The following LRRC7 variants were observed in gnomAD, a reference collection of about 807,000 sequenced individuals.
LRRC7 encodes leucine rich repeat containing 7.
LRRC7 carries 23 observed loss-of-function variants against 175.7 expected under a neutral mutation model. The ratio of observed to expected loss-of-function variants is 0.13; its 90% CI spans 0.09 to 0.19. The LOEUF (loss-of-function observed/expected upper bound fraction) is 0.19, where lower values mean the gene tolerates loss of function less well. Among genes scored for constraint, LRRC7 ranks in the 10% least tolerant of loss-of-function variants. The pLI, the probability that LRRC7 is intolerant of heterozygous loss-of-function variation, is 1.00. For synonymous variants in LRRC7, 685 were observed against 680.9 expected (o/e 1.01, Z -0.09); for missense variants, 1,354 against 1,904.7 (o/e 0.71, Z 5.38).
intron 10 of LRRC7, among the ~76,000 whole-genome samples, chr1:69,989,264 G>A (rs1654213716): frequency 1.3e-5 from 2 of 152,086 alleles, no homozygotes. Context: ...TTAGACAGGA[G>A]GAATAAATGA....
chr1:70,083,748 A>G (rs1038867405), intron 24 of LRRC7, among the ~76,000 whole-genome samples: 4 of 152,122 alleles, frequency 2.6e-5, no homozygotes, highest in South Asian at 2.1e-4. Flanking sequence ...TTAATGGCCT[A>G]TCACCCTTTT....
intron 22 of LRRC7, among the ~76,000 whole-genome samples, chr1:70,046,336 TAAG>T (rs1423852820): frequency 6.6e-6 from 1 of 152,100 alleles, no homozygotes; most frequent in Non-Finnish European, 1.5e-5. Flanking sequence ...CTGCGAGCTC[TAAG>T]AAGAAATAAT....
intron 7 of LRRC7, among the ~76,000 whole-genome samples, chr1:69,905,421 C>CA (rs1214340362): frequency 6.6e-6 from 1 of 152,098 alleles, no homozygotes. Context: ...CACCACCCCA[C>CA]AACAGTCCCC....
chr1:69,742,412 G>C (rs574658700), intron 2 of LRRC7, among the ~76,000 whole-genome samples: 83 of 151,916 alleles, frequency 5.5e-4, no homozygotes, highest in Non-Finnish European at 1.0e-3. Flanking sequence ...AATAATTTTA[G>C]TGGCAAACAT....
chr1:69,906,999 G>C (rs1225687832), intron 7 of LRRC7, among the ~76,000 whole-genome samples: 2 of 151,830 alleles, frequency 1.3e-5, no homozygotes, highest in African/African-American at 4.8e-5. Flanking sequence ...TGGATTCCTA[G>C]GTATTTTATT....
intron 2 of LRRC7, among the ~76,000 whole-genome samples, chr1:69,752,719 G>A (rs1669971181): frequency 6.6e-6 from 1 of 152,060 alleles, no homozygotes; most frequent in Non-Finnish European, 1.5e-5. Context: ...CACTGCAGTT[G>A]TAGAAAAAGA....
At chr1:69,581,854 A>G (rs909303278) in intron 1 of LRRC7, among the ~76,000 whole-genome samples, 9 of 152,124 alleles carry the variant, frequency 5.9e-5, no homozygotes, top group African/African-American at 1.9e-4. Context: ...TGGAAGGGCA[A>G]TTTACTCCTG....
chr1:70,121,205 A>G (rs1201412085), intron 26 of LRRC7, among the ~76,000 whole-genome samples: 1 of 152,044 alleles, frequency 6.6e-6, no homozygotes, highest in Non-Finnish European at 1.5e-5. Context: ...AGTATACTGG[A>G]TTGATTGAGA....
intron 1 of LRRC7, among the ~76,000 whole-genome samples, chr1:69,618,526 C>T (rs1286191852): frequency 1.3e-5 from 2 of 152,310 alleles, no homozygotes; most frequent in African/African-American, 2.4e-5. Flanking sequence ...TGAAGGCTGT[C>T]TTAGTCAACT....
chr1:70,081,840 C>T (rs987413247), intron 24 of LRRC7, among the ~76,000 whole-genome samples: 3 of 152,188 alleles, frequency 2.0e-5, no homozygotes, highest in Non-Finnish European at 4.4e-5. Flanking sequence ...ATGGCTGTCT[C>T]CTGCCAGTGC....
chr1:70,102,283 C>T (rs1664853524), intron 25 of LRRC7, among the ~76,000 whole-genome samples: 1 of 152,294 alleles, frequency 6.6e-6, no homozygotes. Flanking sequence ...ACCAGGAAAC[C>T]ATAGATGAGG....
intron 2 of LRRC7, among the ~76,000 whole-genome samples, chr1:69,725,910 A>C (rs2100798427): frequency 6.6e-6 from 1 of 152,266 alleles, no homozygotes; most frequent in Admixed American, 6.5e-5. Context: ...GTTTGACTAT[A>C]TTTCTAAATA....
intron 7 of LRRC7, among the ~76,000 whole-genome samples, chr1:69,854,449 G>A (rs1197579444): frequency 6.6e-6 from 1 of 152,134 alleles, no homozygotes; most frequent in Non-Finnish European, 1.5e-5. Flanking sequence ...GCTGCAATAA[G>A]CTAAAATTGT....
At chr1:69,864,486 A>C (rs2101548252) in intron 7 of LRRC7, among the ~76,000 whole-genome samples, 1 of 152,342 alleles carries the variant, frequency 6.6e-6, no homozygotes, top group Non-Finnish European at 1.5e-5. Flanking sequence ...AGGCTAGTGA[A>C]GCCCATTTGG....
intron 2 of LRRC7, among the ~76,000 whole-genome samples, chr1:69,737,291 G>C (rs1197382518): frequency 6.6e-6 from 1 of 152,012 alleles, no homozygotes; most frequent in African/African-American, 2.4e-5. Context: ...TCTCGTGATA[G>C]TAAGTCTCAC....
At chr1:70,114,143 A>T (rs1185366257) in intron 26 of LRRC7, among the ~76,000 whole-genome samples, 3 of 152,208 alleles carry the variant, frequency 2.0e-5, no homozygotes, top group Admixed American at 2.0e-4. Flanking sequence ...AATATTTAAA[A>T]ATTGTACTAA....
At chr1:69,664,091 A>G (rs1450038854) in intron 1 of LRRC7, among the ~76,000 whole-genome samples, 3 of 152,156 alleles carry the variant, frequency 2.0e-5, no homozygotes, top group African/African-American at 7.2e-5. Context: ...CACTTAACAT[A>G]ATGACTACCA....
intron 12 of LRRC7, among the ~76,000 whole-genome samples, chr1:70,012,625 T>C (rs916478076): frequency 2.0e-5 from 3 of 151,762 alleles, no homozygotes; most frequent in Non-Finnish European, 3.0e-5. Flanking sequence ...TTTTTGAGTG[T>C]GTATGATCTT....
At position 69,678,270 on chromosome 1, in the gene LRRC7, A is replaced by G. The variant is rs149079204; in HGVS notation, c.3-111A>G. On this transcript the variant is annotated intron_variant, in intron 1 of 26. Coordinates refer to ENST00000651989, the MANE Select transcript of LRRC7 (RefSeq NM_001370785.2). ...GCTTGCTCCTTGCCGGATCATCTTC[A>G]TGGTGTTGTCTAGCAAAGTTCTGTG... The G allele has an allele frequency of 2.1e-4, 153 of 722,308 alleles. No homozygotes were observed. The African/African-American group carries it at 2.5e-3, about 12-fold the overall frequency. The allele number at this position is 722,308 out of a possible 1,614,324, so 44.7% of individuals were successfully genotyped here.
Sources: allele counts gnomAD v4.1 joint callset (sites outside exome capture counted in the v4.1 genomes callset), GRCh38; gene constraint gnomAD v4.1.1; transcripts MANE v1.5; gene names NCBI Gene and HGNC (gene_info 2026-07-23, HGNC 2026-07-21).